ADCY6: variants seen among roughly 807,000 people sequenced by gnomAD.
ADCY6 encodes adenylate cyclase 6.
In ADCY6, 59 loss-of-function variants were observed where a neutral mutation model predicts 111.6. The ratio of observed to expected loss-of-function variants is 0.53; its 90% CI spans 0.43 to 0.66. ADCY6 has a LOEUF of 0.66. Ranked by LOEUF, ADCY6 falls within the 30% of genes least tolerant of loss-of-function variation. The pLI, the probability that ADCY6 is intolerant of heterozygous loss-of-function variation, is 0.00. For missense variants in ADCY6, 1,242 were observed against 1,595.6 expected (o/e 0.78, Z 3.78); for synonymous variants, 576 against 642.9 (o/e 0.90, Z 1.57).
At position 48,775,032 on chromosome 12, in the gene ADCY6, C is replaced by T. The variant is rs764213723; in HGVS notation, c.2003G>A (p.Arg668His). Residue 668 changes from arginine (R) to histidine (H), a missense_variant, in exon 12 of 22, where the codon CGC (arginine) becomes CAC (histidine). Arg to His is a conservative substitution (Grantham distance 29). Coordinates refer to ENST00000357869, the MANE Select transcript of ADCY6 (RefSeq NM_015270.5). Reference sequence around the variant, plus strand: ...GGCACAGGCAACGTAGGCTCCGAAGCGGGGATCCACCTTCCGGGAGTACTG... The same window carrying T: ...GGCACAGGCAACGTAGGCTCCGAAGTGGGGATCCACCTTCCGGGAGTACTG... ...EKKYSRKVDP[R>H]FGAYVACALL... 6.4e-6 allele frequency: 10 copies of T among 1,556,220 alleles called. No homozygotes were observed. The highest frequency in any genetic ancestry group is 3.6e-5 in the South Asian group (3 of 84,288).
rs562597573 is a variant in ADCY6 at position 48,770,057 on chromosome 12, G to A, written c.3256+709C>T. Among the ~76,000 whole-genome samples, 13 of 149,332 alleles carry A rather than the reference G, an allele frequency of 8.7e-5. No individual in the cohort carries two copies. The East Asian group carries it at 9.7e-4, about 11-fold the overall frequency. On this transcript the variant is annotated intron_variant, in intron 20 of 21. Transcript: ENST00000357869. ...ATTACAGGCGTGAGCCACTGCGCCC[G>A]GCCTAATTTTTTTTTTTTTTTTTTT...
intron 1 of ADCY6, among the ~76,000 whole-genome samples, chr12:48,788,537 C>T (rs1253883164): frequency 6.6e-6 from 1 of 152,036 alleles, no homozygotes; most frequent in Non-Finnish European, 1.5e-5. Flanking sequence ...GGTTCCTCTC[C>T]CCTAAATGGA....
Position 48,775,064 on chromosome 12 carries a change from A to C in ADCY6, c.1981-10T>G. 1 of 1,551,456 alleles carries C rather than the reference A, an allele frequency of 6.4e-7. No homozygotes were observed. On this transcript the variant is annotated splice_polypyrimidine_tract_variant and intron_variant, in intron 11 of 21. Coordinates refer to ENST00000357869, the MANE Select transcript of ADCY6 (RefSeq NM_015270.5). ...CCACCTTCCGGGAGTACTGAGGGAG[A>C]GGAGGCTGAGCTGAGTGCTGGGCCC...
At chr12:48,773,821 CT>C in intron 15 of ADCY6, 118 bp downstream of exon 15, 1 of 1,473,172 alleles carries the variant, frequency 6.8e-7, no homozygotes, top group East Asian at 2.5e-5. Flanking sequence ...CTGGTTGCTC[CT>C]AGTGTGGGAG....
rs1044978404 is a variant in ADCY6, at chr12:48,772,391, C to T, written c.2691G>A (p.Met897Ile). 10 of 1,614,168 alleles carry T rather than the reference C, an allele frequency of 6.2e-6. No individual in the cohort carries two copies. Among genetic ancestry groups the T allele is most frequent in the Admixed American group, 1.7e-5 (1 of 60,022 alleles). ...CAAACACCAGCAGAATCACAGGGGT[C>T]ATATATTTGAGGGCCACCCTCCCTG... ...PAAGRVALKY[M>I]TPVILLVFAL... The change falls in exon 18 of 22, where the codon ATG becomes ATA. Residue 897 changes from methionine (M) to isoleucine (I), a missense_variant. This residue lies in a region of ADCY6 where 245 missense variants were observed against 371.3 expected (regional missense o/e 0.66). Coordinates refer to ENST00000357869, the MANE Select transcript of ADCY6 (RefSeq NM_015270.5).
intron 3 of ADCY6, 97 bp downstream of exon 3, chr12:48,778,011 A>G (rs1343299631): frequency 6.8e-7 from 1 of 1,476,832 alleles, no homozygotes; most frequent in Non-Finnish European, 9.1e-7. Flanking sequence ...GAACCATCAC[A>G]CTGTGCTGCA....
Position 48,774,104 on chromosome 12 carries a change from A to G in ADCY6, c.2284-6T>C, listed in dbSNP as rs1191116728. The G allele has an allele frequency of 4.4e-6, 7 of 1,604,168 alleles. No individual in the cohort carries two copies. The highest frequency in any genetic ancestry group is 6.0e-6 in the Non-Finnish European group (7 of 1,174,708). ...GGGGTGTGGTTACAGGTGAACTGCA[A>G]AAGTGGAGGGGTATATCAGGGTAAC... On this transcript the variant is annotated splice_region_variant and splice_polypyrimidine_tract_variant and intron_variant, in intron 14 of 21. Transcript: ENST00000357869.
At position 48,776,675 on chromosome 12, in the gene ADCY6, C is replaced by A; in HGVS notation, c.1377-89G>T. 6.8e-7 allele frequency: 1 copy of A among 1,480,496 alleles called. No homozygotes were observed. The highest frequency in any genetic ancestry group is 9.0e-7 in the Non-Finnish European group (1 of 1,111,162). 91.7% of individuals were successfully genotyped at this position (1,480,496 alleles called of 1,614,324 possible). A position where few individuals can be genotyped will look rare whatever the true frequency, so the allele number is the denominator to read the frequency against. On this transcript the variant is annotated intron_variant, in intron 6 of 21. Transcript: ENST00000357869. This position sits in a 1 kb window ranked among gnomAD's most constrained non-coding sequence, Gnocchi z 6.1. ...GCCCTTCACTCCTCTCAGGGCCCAG[C>A]GGGCAAGGACAGACCCAGATGCAGG...
rs2137363695 is a variant in ADCY6, at chr12:48,776,976, C to CAGTG, written c.1376+124_1376+127dup. The CAGTG allele has an allele frequency of 1.5e-6, 2 of 1,364,692 alleles. No individual in the cohort carries two copies. The highest frequency in any genetic ancestry group is 4.6e-5 in the East Asian group (2 of 43,028). 84.5% of individuals were successfully genotyped at this position (1,364,692 alleles called of 1,614,324 possible). On this transcript the variant is annotated intron_variant, in intron 6 of 21. Coordinates refer to ENST00000357869, the MANE Select transcript of ADCY6 (RefSeq NM_015270.5). The surrounding 1 kb of genome is among the most constrained non-coding windows in gnomAD (Gnocchi z 6.1). The stretch of plus-strand genomic sequence containing the variant: ...CAGGTTGGAGAAAGATTCCCCTTCC[C>CAGTG]AGTGACAGACAGACCTCAAAGACAG...
intron 20 of ADCY6, among the ~76,000 whole-genome samples, chr12:48,769,426 A>C (rs1351759355): frequency 5.3e-5 from 8 of 151,256 alleles, no homozygotes; most frequent in Non-Finnish European, 8.8e-5. Flanking sequence ...AAAAAAAAAA[A>C]AAAAAAAACC....
intron 18 of ADCY6, 102 bp from the exon 19 acceptor site, chr12:48,772,075 GA>G: frequency 6.8e-7 from 1 of 1,476,430 alleles, no homozygotes; most frequent in Non-Finnish European, 9.0e-7. Context: ...CATAGAGAAA[GA>G]AAGGCCCAGA....
chr12:48,783,025 T>C lies in ADCY6; in HGVS notation c.410A>G (p.Glu137Gly), dbSNP rs114021318. 6.2e-7 allele frequency: 1 copy of C among 1,613,620 alleles called. No homozygotes were observed. The highest frequency in any genetic ancestry group is 1.3e-5 in the African/African-American group (1 of 75,058). The stretch of plus-strand genomic sequence containing the variant: ...GAAGAAGTACCGCTGGTACAGGCGC[T>C]CCAGCTTGGCCGAACGGAACTGCTT... Reference protein sequence around the residue: ...QSKQFRSAKLERLYQRYFFQM... With the variant: ...QSKQFRSAKLGRLYQRYFFQM... Residue 137 changes from glutamate (E) to glycine (G), a missense_variant, in exon 2 of 22, where the codon GAG becomes GGG. Glu to Gly is a moderately conservative substitution (Grantham distance 98, BLOSUM62 -2). Transcript: ENST00000357869.
rs766877749 is a variant in ADCY6 at position 48,768,664 on chromosome 12, C to T, written c.3434G>A (p.Cys1145Tyr). 7.2e-5 allele frequency: 117 copies of T among 1,614,066 alleles called. No homozygotes were observed. Among genetic ancestry groups the T allele is most frequent in the Non-Finnish European group, 9.3e-5 (110 of 1,180,020 alleles). The change falls in exon 22 of 22, where the codon TGT (cysteine) becomes TAT (tyrosine). Residue 1145 changes from cysteine (C) to tyrosine (Y), a missense_variant. This residue lies in a region of ADCY6 where 245 missense variants were observed against 371.3 expected (regional missense o/e 0.66). Coordinates refer to ENST00000357869, the MANE Select transcript of ADCY6 (RefSeq NM_015270.5). Reference sequence around the variant, plus strand: ...GCCCTTCACCTTGACCACCCCTCGACACTCCAGCTGGTAGCCCTTGGCAGC... The same window carrying T: ...GCCCTTCACCTTGACCACCCCTCGATACTCCAGCTGGTAGCCCTTGGCAGC... ...VLAAKGYQLE[C>Y]RGVVKVKGKG... is the part of the protein sequence containing the mutation.
At chr12:48,781,416 C>T (rs539645664) in intron 2 of ADCY6, among the ~76,000 whole-genome samples, 4 of 152,300 alleles carry the variant, frequency 2.6e-5, no homozygotes, top group Admixed American at 6.5e-5. Context: ...AGGACCCAGG[C>T]GCTGTGCTGA....
chr12:48,784,758 C>T (rs1410718829), intron 1 of ADCY6, among the ~76,000 whole-genome samples: 4 of 147,716 alleles, frequency 2.7e-5, no homozygotes, highest in Non-Finnish European at 3.0e-5. Flanking sequence ...CTGCAAGCTC[C>T]GCCTCCCGGG....
At position 48,777,841 on chromosome 12, in the gene ADCY6, C is replaced by T; in HGVS notation, c.1015-105G>A. ...GAGCCCTCCTAGACTTCTCTGAAGA[C>T]CTGACCTTCCCTTCTGGACTGTGGC... is the stretch of plus-strand genomic sequence containing the variant. On this transcript the variant is annotated intron_variant, in intron 3 of 21. Coordinates refer to ENST00000357869, the MANE Select transcript of ADCY6 (RefSeq NM_015270.5). The surrounding 1 kb of genome is among the most constrained non-coding windows in gnomAD (Gnocchi z 4.9). The T allele has an allele frequency of 6.6e-7, 1 of 1,514,450 alleles. No homozygotes were observed. The highest frequency in any genetic ancestry group is 8.9e-7 in the Non-Finnish European group (1 of 1,123,262). The allele number at this position is 1,514,450 out of a possible 1,614,324, so 93.8% of individuals were successfully genotyped here.
chr12:48,771,126 G>C lies in ADCY6; in HGVS notation c.3052-156C>G. On this transcript the variant is annotated intron_variant, in intron 19 of 21. Transcript: ENST00000357869. This position sits in a 1 kb window ranked among gnomAD's most constrained non-coding sequence, Gnocchi z 4.3. ...GCTATCAGTGTAAGACTGAGGAGCT[G>C]GGAAAACAGGCAGCCTAGGACTCCA... 1 of 733,864 alleles carries C rather than the reference G, an allele frequency of 1.4e-6. No homozygotes were observed. Among genetic ancestry groups the C allele is most frequent in the Non-Finnish European group, 2.2e-6 (1 of 455,934 alleles). 45.5% of individuals were successfully genotyped at this position (733,864 alleles called of 1,614,324 possible). A position where few individuals can be genotyped will look rare whatever the true frequency, so the allele number is the denominator to read the frequency against.
chr12:48,770,926 C>T lies in ADCY6; in HGVS notation c.3096G>A (p.Thr1032=), dbSNP rs753546514. ...ERFRQLEKIK[T]IGSTYMAASG... is the part of the protein sequence containing the mutation. ...AGGCAGCCATGTAGGTGCTACCAAT[C>T]GTCTTGATCTTTTCCAGCTGCCGGA... The change falls in exon 20 of 22, where the codon ACG becomes ACA. Residue 1032 remains threonine, a synonymous_variant. Coordinates refer to ENST00000357869, the MANE Select transcript of ADCY6 (RefSeq NM_015270.5). 1.2e-6 allele frequency: 2 copies of T among 1,614,074 alleles called. No homozygotes were observed. The highest frequency in any genetic ancestry group is 1.1e-5 in the South Asian group (1 of 91,088).
intron 11 of ADCY6, 33 bp downstream of exon 11, chr12:48,775,270 A>G (rs751650275): frequency 1.7e-5 from 28 of 1,612,538 alleles, no homozygotes; most frequent in Middle Eastern, 1.6e-4. Flanking sequence ...CCCCTCCCCC[A>G]GCCCTTGTCC....
Sources: allele counts gnomAD v4.1 joint callset (sites outside exome capture counted in the v4.1 genomes callset), GRCh38; gene constraint gnomAD v4.1.1; regional missense constraint gnomAD v4.1.1; non-coding constraint Gnocchi (gnomAD v3.1); transcripts MANE v1.5; gene names NCBI Gene and HGNC (gene_info 2026-07-23, HGNC 2026-07-21).